SGIP1: variants seen among roughly 807,000 people sequenced by gnomAD.
SGIP1 encodes SH3GL interacting endocytic adaptor 1, also known as SH3-containing GRB2-like protein 3-interacting protein 1.
SGIP1 carries 38 observed loss-of-function variants against 107.5 expected under a neutral mutation model. The observed-to-expected ratio is 0.35, with a 90% confidence interval of 0.27 to 0.46. The LOEUF (loss-of-function observed/expected upper bound fraction) is 0.46. Among genes scored for constraint, SGIP1 ranks in the 20% least tolerant of loss-of-function variants. SGIP1 has a pLI of 1.00. For missense variants in SGIP1, 929 were observed against 1,019.5 expected (o/e 0.91, Z 1.21); for synonymous variants, 365 against 366.1 (o/e 1.00, Z 0.03).
chr1:66,625,506 C>T (rs966828531), intron 1 of SGIP1, among the ~76,000 whole-genome samples: 4 of 152,190 alleles, frequency 2.6e-5, no homozygotes, highest in Non-Finnish European at 4.4e-5. Flanking sequence ...AATGGCTATT[C>T]TTCTAAATCT....
chr1:66,606,207 AC>A (rs1163895417), intron 1 of SGIP1, among the ~76,000 whole-genome samples: 2 of 152,182 alleles, frequency 1.3e-5, no homozygotes, highest in African/African-American at 2.4e-5. Context: ...ATCTCTCAGA[AC>A]CTCTGGCTAC....
intron 1 of SGIP1, among the ~76,000 whole-genome samples, chr1:66,615,140 T>A (rs1013536372): frequency 6.6e-6 from 1 of 151,644 alleles, no homozygotes; most frequent in East Asian, 1.9e-4. Context: ...TTGTTTTGTT[T>A]TGTTTTTTTC....
intron 2 of SGIP1, among the ~76,000 whole-genome samples, chr1:66,626,817 C>T (rs932351510): frequency 1.3e-5 from 2 of 152,114 alleles, no homozygotes; most frequent in Admixed American, 6.6e-5. Context: ...CATTATACCC[C>T]TCATTTGGCT....
chr1:66,694,615 G>A (rs1362760710), intron 17 of SGIP1: 1 of 765,738 alleles, frequency 1.3e-6, no homozygotes, highest in Non-Finnish European at 1.9e-6. Context: ...TGAGTGTCCA[G>A]TGCCTCTCAG....
intron 1 of SGIP1, among the ~76,000 whole-genome samples, chr1:66,576,628 C>T (rs1161285777): frequency 1.3e-5 from 2 of 152,132 alleles, no homozygotes; most frequent in African/African-American, 2.4e-5. Flanking sequence ...TCAACCCCTT[C>T]TATATTTTTA....
chr1:66,607,556 T>C (rs2067103408), intron 1 of SGIP1, among the ~76,000 whole-genome samples: 1 of 152,194 alleles, frequency 6.6e-6, no homozygotes, highest in Non-Finnish European at 1.5e-5. Flanking sequence ...AAATAAAAAC[T>C]GACAATTCAG....
rs2094520244 is a variant in SGIP1 at position 66,743,960 on chromosome 1, T to C, written c.*865T>C. On this transcript the variant is annotated 3_prime_UTR_variant, in exon 25 of 25. Transcript: ENST00000371037. ...ATAATCAGTCAGACTAAAACCAAAA[T>C]TGTGATTTTAAGATTTCAAGACTTT... 1 of 152,292 alleles carries C rather than the reference T, an allele frequency of 6.6e-6. No homozygotes were observed. Among genetic ancestry groups the C allele is most frequent in the South Asian group, 2.1e-4 (1 of 4,830 alleles). 9.4% of individuals were successfully genotyped at this position (152,292 alleles called of 1,614,324 possible). A position where few individuals can be genotyped will look rare whatever the true frequency, so the allele number is the denominator to read the frequency against.
chr1:66,708,757 G>T (rs523132), intron 18 of SGIP1, among the ~76,000 whole-genome samples: 1 of 143,230 alleles, frequency 7.0e-6, no homozygotes. Context: ...TATGTTCCTG[G>T]ACTGAGCAGA....
chr1:66,740,555 A>C (rs1222576811), intron 22 of SGIP1, 103 bp from the exon 23 acceptor site: 1 of 715,676 alleles, frequency 1.4e-6, no homozygotes, highest in Middle Eastern at 3.2e-4. Context: ...GAAAGTTTTC[A>C]AGCTCTATTT....
rs191778963 is a variant in SGIP1 at position 66,591,717 on chromosome 1, C to T, written c.11-34130C>T. On this transcript the variant is annotated intron_variant, in intron 1 of 24. Coordinates refer to ENST00000371037, the MANE Select transcript of SGIP1 (RefSeq NM_032291.4). ...TCAGCATAGGGAGGACCAGCGCGGG[C>T]ACTGGTCTCTGAGTTCCCTCAGTAT... Among the ~76,000 whole-genome samples, 225 of 152,318 alleles carry T rather than the reference C, an allele frequency of 1.5e-3. 1 individual carries two copies. Among genetic ancestry groups the T allele is most frequent in the Non-Finnish European group, 3.5e-4 (24 of 68,026 alleles).
At chr1:66,732,374 A>T (rs1230961335) in intron 20 of SGIP1, among the ~76,000 whole-genome samples, 1 of 152,112 alleles carries the variant, frequency 6.6e-6, no homozygotes, top group African/African-American at 2.4e-5. Flanking sequence ...GGTAACTTAG[A>T]TGCTTTTCAA....
intron 1 of SGIP1, among the ~76,000 whole-genome samples, chr1:66,598,194 G>T (rs979055632): frequency 9.9e-5 from 15 of 152,244 alleles, no homozygotes; most frequent in African/African-American, 3.6e-4. Context: ...AGAGAAATGG[G>T]TGATTTTAAT....
At chr1:66,714,795 T>C (rs1366116599) in intron 18 of SGIP1, among the ~76,000 whole-genome samples, 2 of 152,210 alleles carry the variant, frequency 1.3e-5, no homozygotes, top group Admixed American at 6.6e-5. Flanking sequence ...AACTCTGGTC[T>C]CCAGAGTCGC....
chr1:66,648,972 A>G (rs933395827), intron 7 of SGIP1, among the ~76,000 whole-genome samples: 40 of 152,208 alleles, frequency 2.6e-4, no homozygotes, highest in African/African-American at 9.4e-4. Context: ...ATAACAGTAC[A>G]TGATGTGTAA....
chr1:66,691,355 A>G (rs991770215), intron 17 of SGIP1, among the ~76,000 whole-genome samples: 2 of 152,198 alleles, frequency 1.3e-5, no homozygotes, highest in African/African-American at 4.8e-5. Flanking sequence ...TTTCCCAGAT[A>G]AATAAGTTAA....
Position 66,679,757 on chromosome 1 carries a change from G to A in SGIP1, c.814+5G>A, listed in dbSNP as rs201997789. ...CCCCCTTAACAATTGGACCAGGTAC[G>A]CTTTTGTTTTTTCAGTTCTGGGATG... is the stretch of plus-strand genomic sequence containing the variant. On this transcript the variant is annotated splice_donor_5th_base_variant and intron_variant, in intron 14 of 24. Transcript: ENST00000371037. The A allele has an allele frequency of 2.1e-3, 3,265 of 1,590,450 alleles. 8 individuals are homozygous for A. Among genetic ancestry groups the A allele is most frequent in the Middle Eastern group, 3.8e-3 (23 of 5,998 alleles).
chr1:66,542,478 A>G lies in SGIP1; in HGVS notation c.10+8110A>G, dbSNP rs763803563. Among the ~76,000 whole-genome samples, 5 of 152,288 alleles carry G rather than the reference A, an allele frequency of 3.3e-5. No homozygotes were observed. The South Asian group carries it at 8.3e-4, about 25-fold the overall frequency. ...CATTGTGACACAGCGTTAGGCTGCCATTGACCTTGAACACAGGCACTGCGA... is the reference window on the plus strand; with the variant it reads ...CATTGTGACACAGCGTTAGGCTGCCGTTGACCTTGAACACAGGCACTGCGA... On this transcript the variant is annotated intron_variant, in intron 1 of 24. Coordinates refer to ENST00000371037, the MANE Select transcript of SGIP1 (RefSeq NM_032291.4).
chr1:66,681,584 A>C lies in SGIP1; in HGVS notation c.815-285A>C, dbSNP rs78178306. ...GGTGCACCTGTGAGCAGCCTTCGAG[A>C]GCAGTATCATGCACAGCACTTTACA... is the stretch of plus-strand genomic sequence containing the variant. On this transcript the variant is annotated intron_variant, in intron 14 of 24. Transcript: ENST00000371037. Among the ~76,000 whole-genome samples the C allele has an allele frequency of 5.9e-3, 894 of 152,296 alleles. 14 individuals are homozygous for C. The highest frequency in any genetic ancestry group is 0.02 in the African/African-American group (819 of 41,564).
intron 7 of SGIP1, among the ~76,000 whole-genome samples, chr1:66,654,556 C>A (rs562100221): frequency 4.3e-4 from 65 of 152,096 alleles, no homozygotes; most frequent in African/African-American, 1.5e-3. Flanking sequence ...AAAAAAAAAT[C>A]TATCCCTTTG....
Sources: allele counts gnomAD v4.1 joint callset (sites outside exome capture counted in the v4.1 genomes callset), GRCh38; gene constraint gnomAD v4.1.1; transcripts MANE v1.5; gene names NCBI Gene and HGNC (gene_info 2026-07-23, HGNC 2026-07-21).